The following SLC43A1 variants were observed in gnomAD, a reference collection of about 807,000 sequenced individuals.
SLC43A1 encodes the protein large neutral amino acids transporter small subunit 3.
A neutral mutation model predicts 59.5 loss-of-function variants in SLC43A1; 31 were observed. The observed-to-expected ratio is 0.52, with a 90% confidence interval of 0.39 to 0.70. The LOEUF (loss-of-function observed/expected upper bound fraction) is 0.70, where lower values mean the gene tolerates loss of function less well. SLC43A1 is among the 30% of genes least tolerant of loss of function. The pLI, the probability that SLC43A1 is intolerant of heterozygous loss-of-function variation, is 0.00. For missense variants in SLC43A1, 598 were observed against 717.8 expected (o/e 0.83, Z 1.91); for synonymous variants, 259 against 290.9 (o/e 0.89, Z 1.12).
Position 57,499,282 on chromosome 11 carries a change from C to A in SLC43A1, c.466-1437G>T, listed in dbSNP as rs1296310924. Among the ~76,000 whole-genome samples the A allele has an allele frequency of 2.6e-5, 4 of 151,024 alleles. No individual in the cohort carries two copies. In the East Asian group the frequency reaches 7.8e-4, roughly 29 times the overall value. ...GAGGTTGCAGTGAGCCGAGATCGCGCCACTGCACTCCAGCCTGGGCGACAC... is the reference window on the plus strand; with the variant it reads ...GAGGTTGCAGTGAGCCGAGATCGCGACACTGCACTCCAGCCTGGGCGACAC... On this transcript the variant is annotated intron_variant, in intron 5 of 14. Coordinates refer to ENST00000278426, the MANE Select transcript of SLC43A1 (RefSeq NM_003627.6).
chr11:57,501,125 C>G, intron 3 of SLC43A1, 27 bp downstream of exon 3: 1 of 1,613,030 alleles, frequency 6.2e-7, no homozygotes, highest in Non-Finnish European at 8.5e-7. Flanking sequence ...CCCTGTCCTC[C>G]CGTTCCCCAT....
intron 2 of SLC43A1, among the ~76,000 whole-genome samples, chr11:57,502,210 C>T (rs988245635): frequency 6.6e-6 from 1 of 152,224 alleles, no homozygotes; most frequent in African/African-American, 2.4e-5. Flanking sequence ...CCCAGGCCTC[C>T]AAGTTGTCAC....
At chr11:57,501,088 C>CCCCCT (rs1316815940) in intron 3 of SLC43A1, 45 bp from the exon 4 acceptor site, 11 of 1,607,696 alleles carry the variant, frequency 6.8e-6, no homozygotes, top group Non-Finnish European at 9.3e-6. Context: ...TGTGAGCACC[C>CCCCCT]CCCCTCCCCT....
intron 13 of SLC43A1, among the ~76,000 whole-genome samples, chr11:57,487,800 G>A (rs1335056735): frequency 1.3e-5 from 2 of 152,046 alleles, no homozygotes; most frequent in Admixed American, 1.3e-4. Context: ...GGAAAGACCT[G>A]AAGAAGGAGA....
intron 2 of SLC43A1, among the ~76,000 whole-genome samples, chr11:57,511,289 G>A (rs2135228033): frequency 6.6e-6 from 1 of 152,084 alleles, no homozygotes; most frequent in Non-Finnish European, 1.5e-5. Flanking sequence ...TTAGCTGGAT[G>A]TGTTGATGCG....
intron 12 of SLC43A1, 115 bp from the exon 13 acceptor site, chr11:57,489,104 T>C: frequency 7.0e-7 from 1 of 1,429,088 alleles, no homozygotes; most frequent in Non-Finnish European, 9.8e-7. Flanking sequence ...GCCAACCCAA[T>C]CTACTAGAAA....
rs939833781 is a variant in SLC43A1 at position 57,514,493 on chromosome 11, G to C, written c.-13-369C>G. 8 of 200,604 alleles carry C rather than the reference G, an allele frequency of 4.0e-5. No individual in the cohort carries two copies. The highest frequency in any genetic ancestry group is 2.0e-5 in the Non-Finnish European group (2 of 98,324). The allele number at this position is 200,604 out of a possible 1,614,324, so 12.4% of individuals were successfully genotyped here. ...CAGAGGACAGCAAGGGGCAGAGCGC[G>C]CTCTGAAGCACCGCGGGCCCATGTC... On this transcript the variant is annotated intron_variant, in intron 1 of 14. Transcript: ENST00000278426. This position sits in a 1 kb window ranked among gnomAD's most constrained non-coding sequence, Gnocchi z 5.5.
chr11:57,495,999 A>G (rs866910176), intron 7 of SLC43A1, 32 bp downstream of exon 7: 1 of 1,611,288 alleles, frequency 6.2e-7, no homozygotes, highest in Middle Eastern at 1.7e-4. Flanking sequence ...TCTCTGCCCC[A>G]GGGAGAGTCT....
chr11:57,490,501 G>T (rs939259105), intron 11 of SLC43A1, among the ~76,000 whole-genome samples: 6 of 152,278 alleles, frequency 3.9e-5, no homozygotes, highest in Non-Finnish European at 8.8e-5. Flanking sequence ...AAGATACGGG[G>T]TCTCTGTCGC....
intron 2 of SLC43A1, among the ~76,000 whole-genome samples, chr11:57,513,449 AC>A: frequency 6.6e-6 from 1 of 152,226 alleles, no homozygotes. Flanking sequence ...GGCCACTCAC[AC>A]AAGGTGATTG....
chr11:57,497,728 A>C (rs1944129709), intron 6 of SLC43A1, 25 bp downstream of exon 6: 2 of 1,598,304 alleles, frequency 1.3e-6, no homozygotes, highest in African/African-American at 2.7e-5. Context: ...GTCAAGACAA[A>C]AAGAAAACCC....
At chr11:57,496,729 C>T (rs144001011) in intron 6 of SLC43A1, among the ~76,000 whole-genome samples, 2 of 152,296 alleles carry the variant, frequency 1.3e-5, no homozygotes, top group African/African-American at 2.4e-5. Context: ...CAAGGGCTCT[C>T]AACCCCAGGG....
intron 14 of SLC43A1, among the ~76,000 whole-genome samples, chr11:57,486,112 G>A (rs1943719445): frequency 6.6e-6 from 1 of 152,232 alleles, no homozygotes; most frequent in South Asian, 2.1e-4. Context: ...AGGTAGAACT[G>A]GATTGGACCA....
chr11:57,491,949 G>A (rs1475245085), intron 8 of SLC43A1, 87 bp from the exon 9 acceptor site: 8 of 1,292,646 alleles, frequency 6.2e-6, no homozygotes, highest in Non-Finnish European at 8.7e-6. Flanking sequence ...TGGGGGGAGT[G>A]ACACTAACTA....
intron 2 of SLC43A1, 109 bp downstream of exon 2, chr11:57,513,849 C>T: frequency 4.7e-6 from 4 of 846,874 alleles, no homozygotes; most frequent in South Asian, 4.4e-5. Flanking sequence ...TGAGGCTGTC[C>T]AACTGCTGAC....
In SLC43A1 at chr11:57,493,949, A is replaced by AC. The variant is rs775238362; in HGVS notation, c.871+43dup. 19 of 1,533,014 alleles carry AC rather than the reference A, an allele frequency of 1.2e-5. No homozygotes were observed. In the African/African-American group the frequency reaches 2.7e-4, roughly 21 times the overall value. The allele number at this position is 1,533,014 out of a possible 1,614,324, so 95.0% of individuals were successfully genotyped here. On this transcript the variant is annotated intron_variant, in intron 8 of 14. Transcript: ENST00000278426. ...GAGTGCTCACTGAATATGAGGACCC[A>AC]CCATCACTATCCCCCAAGGCCGGCA...
At chr11:57,485,363 C>T (rs756951932) in intron 14 of SLC43A1, 121 bp from the exon 15 acceptor site, 16 of 882,182 alleles carry the variant, frequency 1.8e-5, no homozygotes, top group Admixed American at 3.0e-5. Flanking sequence ...ACAGCTAGTA[C>T]TTATTATGTG....
rs1944479019 is a variant in SLC43A1 at position 57,509,641 on chromosome 11, GGAA to G, written c.154+4314_154+4316del. Among the ~76,000 whole-genome samples, 9 of 134,234 alleles carry G rather than the reference GGAA, an allele frequency of 6.7e-5. No homozygotes were observed. In the East Asian group the frequency reaches 9.3e-4, roughly 14 times the overall value. 88.1% of individuals were successfully genotyped at this position (134,234 alleles called of 152,430 possible). A position where few individuals can be genotyped will look rare whatever the true frequency, so the allele number is the denominator to read the frequency against. On this transcript the variant is annotated intron_variant, in intron 2 of 14. Transcript: ENST00000278426. Reference sequence around the variant, plus strand: ...AGGAAGGAAGGAAGGAAGGAAGGAAGGAAGGAAGGAGGGAGGGAGGGAGGAAGG... The same window carrying G: ...AGGAAGGAAGGAAGGAAGGAAGGAAGGGAAGGAGGGAGGGAGGGAGGAAGG...
At chr11:57,492,534 GTGTATATATA>G (rs1565127814) in intron 8 of SLC43A1, among the ~76,000 whole-genome samples, 1 of 63,434 alleles carries the variant, frequency 1.6e-5, no homozygotes, top group African/African-American at 7.1e-5. Flanking sequence ...ATATAATTTT[GTGTATATATA>G]TATATATATA....
Sources: allele counts gnomAD v4.1 joint callset (sites outside exome capture counted in the v4.1 genomes callset), GRCh38; gene constraint gnomAD v4.1.1; non-coding constraint Gnocchi (gnomAD v3.1); transcripts MANE v1.5; gene names NCBI Gene and HGNC (gene_info 2026-07-23, HGNC 2026-07-21).